The following VDR variants were observed in gnomAD, a reference collection of about 807,000 sequenced individuals.
VDR encodes vitamin D receptor.
VDR carries 19 observed loss-of-function variants against 39.7 expected under a neutral mutation model. That is an observed-to-expected ratio of 0.48 (90% confidence interval 0.33 to 0.70). VDR has a LOEUF of 0.70. Ranked by LOEUF, VDR falls within the 30% of genes least tolerant of loss-of-function variation. The pLI is 0.02. For missense variants in VDR, 442 were observed against 570.5 expected, an observed-to-expected ratio of 0.77 and a Z score of 2.29; for synonymous variants, 242 against 215.8, an observed-to-expected ratio of 1.12 and a Z score of -1.07.
Position 47,889,653 on chromosome 12 carries a change from TTGA to T in VDR, c.-83-6882_-83-6880del, listed in dbSNP as rs547864325. Among the ~76,000 whole-genome samples the T allele has an allele frequency of 1.9e-3, 282 of 152,270 alleles. 3 individuals carry two copies. The highest frequency in any genetic ancestry group is 6.5e-3 in the African/African-American group (269 of 41,556). ...CAAGGATATCTGCTACAGGGAAAAG[TTGA>T]TGAGACAAGGAGGCTATTTGTTCAG... On this transcript the variant is annotated intron_variant, in intron 1 of 9. Coordinates refer to ENST00000549336, the MANE Select transcript of VDR (RefSeq NM_000376.3).
Position 47,882,693 on chromosome 12 carries a change from C to A in VDR, c.-3+1G>T, listed in dbSNP as rs1206639615. On this transcript the variant is annotated splice_donor_variant, in intron 2 of 9. Transcript: ENST00000549336. LOFTEE classifies it low-confidence loss of function (5UTR_SPLICE). ...GTTGCGGCTGATGAGGAAACACCTA[C>A]CTGAAGGAGCAGGGGGCAGGTAAGT... The A allele has an allele frequency of 2.3e-5, 31 of 1,355,272 alleles. No homozygotes were observed. Among genetic ancestry groups the A allele is most frequent in the Non-Finnish European group, 2.7e-5 (28 of 1,035,442 alleles). 84.0% of individuals were successfully genotyped at this position (1,355,272 alleles called of 1,614,324 possible).
chr12:47,861,825 G>A (rs1431027313), intron 4 of VDR, among the ~76,000 whole-genome samples: 1 of 152,174 alleles, frequency 6.6e-6, no homozygotes, highest in African/African-American at 2.4e-5. Context: ...TCTCCTTAAC[G>A]AAGCCAAGAT....
At chr12:47,867,458 T>C (rs2137171766) in intron 3 of VDR, among the ~76,000 whole-genome samples, 1 of 152,298 alleles carries the variant, frequency 6.6e-6, no homozygotes, top group Middle Eastern at 3.4e-3. Context: ...TAAGGGCTCA[T>C]TTTCCTAATT....
chr12:47,846,478 C>T (rs1040583656), intron 8 of VDR, 27 bp from the exon 9 acceptor site: 15 of 1,557,228 alleles, frequency 9.6e-6, no homozygotes, highest in South Asian at 3.5e-5. Flanking sequence ...CCAGGTACTG[C>T]GGGCAGAGCT....
At chr12:47,899,902 G>A in intron 1 of VDR, 1 of 985,588 alleles carries the variant, frequency 1.0e-6, no homozygotes, top group South Asian at 4.7e-5. Context: ...CTGGCATGAG[G>A]CTATCAGAGG....
At chr12:47,880,956 A>T (rs976376796) in intron 2 of VDR, among the ~76,000 whole-genome samples, 2 of 149,346 alleles carry the variant, frequency 1.3e-5, no homozygotes, top group Non-Finnish European at 3.0e-5. Context: ...AAGTTTAGCA[A>T]GTATAAATAT....
intron 1 of VDR, among the ~76,000 whole-genome samples, chr12:47,886,997 T>C (rs1167520646): frequency 2.0e-5 from 3 of 152,170 alleles, no homozygotes; most frequent in Admixed American, 6.5e-5. Flanking sequence ...GGCCACCATA[T>C]GGTACCATAT....
chr12:47,846,916 C>T, intron 7 of VDR, 108 bp from the exon 8 acceptor site: 2 of 1,335,748 alleles, frequency 1.5e-6, no homozygotes, highest in Non-Finnish European at 2.1e-6. Flanking sequence ...CCAACATGCA[C>T]CCTGGGTCTT....
At chr12:47,902,272 AC>A (rs1230205999) in intron 1 of VDR, among the ~76,000 whole-genome samples, 11 of 152,252 alleles carry the variant, frequency 7.2e-5, no homozygotes, top group African/African-American at 2.7e-4. Context: ...GAGGGCACTG[AC>A]ACAGGAAAAG....
chr12:47,846,466 G>A lies in VDR; in HGVS notation c.908-15C>T. The A allele has an allele frequency of 6.4e-7, 1 of 1,561,354 alleles. No individual in the cohort carries two copies. Among genetic ancestry groups the A allele is most frequent in the South Asian group, 1.2e-5 (1 of 85,102 alleles). On this transcript the variant is annotated splice_polypyrimidine_tract_variant and intron_variant, in intron 8 of 9. Coordinates refer to ENST00000549336, the MANE Select transcript of VDR (RefSeq NM_000376.3). ...GCTGTGTCCGGCTGTGAGAGACAATGGCCAGGTACTGCGGGCAGAGCTGAG... is the reference window on the plus strand; with the variant it reads ...GCTGTGTCCGGCTGTGAGAGACAATAGCCAGGTACTGCGGGCAGAGCTGAG...
At chr12:47,863,029 A>G (rs145627616) in intron 4 of VDR, among the ~76,000 whole-genome samples, 2 of 152,244 alleles carry the variant, frequency 1.3e-5, no homozygotes, top group African/African-American at 4.8e-5. Context: ...ACTCCACAGG[A>G]GAGAATTAGG....
At position 47,844,556 on chromosome 12, in the gene VDR, GGGAA is replaced by G. The variant is rs764635747; in HGVS notation, c.*186_*189del. 56 of 769,854 alleles carry G rather than the reference GGGAA, an allele frequency of 7.3e-5. No individual in the cohort carries two copies. Among genetic ancestry groups the G allele is most frequent in the Non-Finnish European group, 1.0e-4 (51 of 487,486 alleles). 47.7% of individuals were successfully genotyped at this position (769,854 alleles called of 1,614,324 possible). A position where few individuals can be genotyped will look rare whatever the true frequency, so the allele number is the denominator to read the frequency against. Reference sequence around the variant, plus strand: ...TCATGGCTGAGGTCTCAAGGGACCGGGGAAAAGCCCGCAGGAAAGGGGTTAGGTT... The same window carrying G: ...TCATGGCTGAGGTCTCAAGGGACCGGAAGCCCGCAGGAAAGGGGTTAGGTT... On this transcript the variant is annotated 3_prime_UTR_variant, in exon 10 of 10. Transcript: ENST00000549336.
intron 3 of VDR, among the ~76,000 whole-genome samples, chr12:47,869,012 G>A (rs1463430988): frequency 2.0e-5 from 3 of 152,238 alleles, no homozygotes. Flanking sequence ...GCCTATCAGA[G>A]GCCCCGTCTG....
rs572804973 is a variant in VDR, at chr12:47,847,172, A to C, written c.756-364T>G. On this transcript the variant is annotated intron_variant, in intron 7 of 9. Transcript: ENST00000549336. ...GGCCATGGTATCTTCAACAACACCC[A>C]AGTTTTCTCCTCCTCTCCCTCCTAC... is the stretch of plus-strand genomic sequence containing the variant. Among the ~76,000 whole-genome samples the C allele has an allele frequency of 2.0e-5, 3 of 152,062 alleles. No homozygotes were observed. The South Asian group carries it at 6.2e-4, about 32-fold the overall frequency.
intron 9 of VDR, among the ~76,000 whole-genome samples, chr12:47,845,329 C>A (rs1213813919): frequency 1.3e-5 from 2 of 151,594 alleles, no homozygotes; most frequent in African/African-American, 4.9e-5. Context: ...ATCTGTGCTC[C>A]CTCTGCTTGG....
At chr12:47,898,152 C>T (rs1946496487) in intron 1 of VDR, among the ~76,000 whole-genome samples, 1 of 152,084 alleles carries the variant, frequency 6.6e-6, no homozygotes, top group Non-Finnish European at 1.5e-5. Flanking sequence ...TTCAACTGTA[C>T]TTAGAGGCCC....
intron 1 of VDR, among the ~76,000 whole-genome samples, chr12:47,891,530 G>GA (rs12721405): frequency 0.15 from 22,196 of 152,084 alleles, 2,073 homozygotes; most frequent in African/African-American, 0.26. Context: ...GCTGAGCTGG[G>GA]AAAAAAACTG....
chr12:47,842,831 A>T lies in VDR; in HGVS notation c.*1915T>A, dbSNP rs1945198304. 1 of 152,032 alleles carries T rather than the reference A, an allele frequency of 6.6e-6. No homozygotes were observed. The highest frequency in any genetic ancestry group is 6.5e-5 in the Admixed American group (1 of 15,270). The allele number at this position is 152,032 out of a possible 1,614,324, so 9.4% of individuals were successfully genotyped here. A position where few individuals can be genotyped will look rare whatever the true frequency, so the allele number is the denominator to read the frequency against. On this transcript the variant is annotated 3_prime_UTR_variant, in exon 10 of 10. Coordinates refer to ENST00000549336, the MANE Select transcript of VDR (RefSeq NM_000376.3). ...TGGGTGAGTCACGCCCTCCTCTGTCAGTTTTCCTGAATGAGGGGATTGACT... is the reference window on the plus strand; with the variant it reads ...TGGGTGAGTCACGCCCTCCTCTGTCTGTTTTCCTGAATGAGGGGATTGACT...
intron 8 of VDR, 81 bp from the exon 9 acceptor site, chr12:47,846,532 G>T: frequency 1.3e-6 from 2 of 1,550,840 alleles, no homozygotes; most frequent in Non-Finnish European, 8.8e-7. Flanking sequence ...TCTGACCCTC[G>T]CCCTTCTCTC....
Sources: gnomAD v4.1 joint callset for allele counts (sites outside exome capture counted in the v4.1 genomes callset) on GRCh38, gnomAD v4.1.1 for gene constraint, MANE v1.5 for transcripts, NCBI Gene and HGNC (gene_info 2026-07-23, HGNC 2026-07-21) for gene names.